TANGO6: variants seen among roughly 807,000 people sequenced by gnomAD.
TANGO6 encodes transport and golgi organization 6 homolog.
A neutral mutation model predicts 114.2 loss-of-function variants in TANGO6; 90 were observed. The observed-to-expected ratio is 0.79, with a 90% CI of 0.66 to 0.94. The LOEUF is 0.94. TANGO6 is among the 40% of genes least tolerant of loss of function. The pLI is 0.00. For missense variants in TANGO6, 1,274 were observed against 1,315.3 expected (o/e 0.97, Z 0.49); for synonymous variants, 477 against 509.8 (o/e 0.94, Z 0.87).
intron 15 of TANGO6, 79 bp downstream of exon 15, chr16:68,974,247 G>A: frequency 1.3e-6 from 2 of 1,554,034 alleles, no homozygotes; most frequent in Non-Finnish European, 1.8e-6. Context: ...TGTACCTGGG[G>A]GCTTGTTACA....
At chr16:68,986,576 C>T (rs1963892621) in intron 15 of TANGO6, among the ~76,000 whole-genome samples, 1 of 152,026 alleles carries the variant, frequency 6.6e-6, no homozygotes, top group Non-Finnish European at 1.5e-5. Context: ...ATGGTTCATG[C>T]AGCTCCAGAA....
chr16:68,953,857 A>G (rs1963498537), intron 14 of TANGO6, among the ~76,000 whole-genome samples: 1 of 152,124 alleles, frequency 6.6e-6, no homozygotes, highest in Non-Finnish European at 1.5e-5. Flanking sequence ...TTCACTAAAC[A>G]TGTTTTAGGG....
intron 7 of TANGO6, among the ~76,000 whole-genome samples, chr16:68,882,357 C>T (rs1006277498): frequency 6.4e-4 from 97 of 151,968 alleles, no homozygotes; most frequent in Admixed American, 2.0e-3. Context: ...ATTAGCCGGG[C>T]GTGGTGGCAG....
intron 3 of TANGO6, 73 bp downstream of exon 3, chr16:68,863,134 A>G (rs2152159029): frequency 1.1e-6 from 1 of 912,722 alleles, no homozygotes. Context: ...CTTCTGGAAA[A>G]TTAAATAACT....
chr16:68,875,188 G>A lies in TANGO6; in HGVS notation c.1029G>A (p.Thr343=), dbSNP rs752108787. ...GAAGGSDAEV[T]AADWKKCDLI... ...CTGGTGGAAGTGATGCTGAGGTGAC[G>A]GCTGCTGACTGGAAGAAGTGTGACC... is the stretch of plus-strand genomic sequence containing the variant. The change falls in exon 5 of 18, where the codon ACG becomes ACA. Residue 343 remains threonine, a synonymous_variant. Coordinates refer to ENST00000261778, the MANE Select transcript of TANGO6 (RefSeq NM_024562.2). 8.1e-6 allele frequency: 13 copies of A among 1,613,204 alleles called. No individual in the cohort carries two copies. Among genetic ancestry groups the A allele is most frequent in the East Asian group, 6.7e-5 (3 of 44,872 alleles).
intron 14 of TANGO6, among the ~76,000 whole-genome samples, chr16:68,962,140 T>C (rs921962182): frequency 1.3e-5 from 2 of 152,228 alleles, no homozygotes; most frequent in African/African-American, 4.8e-5. Flanking sequence ...GAGTTCCCCA[T>C]ACTTCCTTTA....
At chr16:69,063,019 A>G (rs1960147583) in intron 17 of TANGO6, among the ~76,000 whole-genome samples, 1 of 151,660 alleles carries the variant, frequency 6.6e-6, no homozygotes, top group African/African-American at 2.4e-5. Flanking sequence ...TTTGAGGTCA[A>G]GAGTTCGAGA....
chr16:68,927,489 AAT>A, intron 12 of TANGO6, 77 bp from the exon 13 acceptor site: 1 of 1,493,858 alleles, frequency 6.7e-7, no homozygotes, highest in Non-Finnish European at 9.1e-7. Flanking sequence ...TTTTTCTCAG[AAT>A]ATGTTTCCTG....
chr16:68,898,446 C>T (rs940665223), intron 7 of TANGO6, among the ~76,000 whole-genome samples: 1 of 152,160 alleles, frequency 6.6e-6, no homozygotes, highest in African/African-American at 2.4e-5. Flanking sequence ...TACTTCAAAA[C>T]TCTTTCTATA....
intron 3 of TANGO6, 41 bp downstream of exon 3, chr16:68,863,102 A>AG: frequency 2.4e-6 from 3 of 1,229,992 alleles, no homozygotes; most frequent in Non-Finnish European, 3.3e-6. Flanking sequence ...CTCATTAATG[A>AG]TAATGTGTGG....
At chr16:69,063,304 T>G (rs1365609140) in intron 17 of TANGO6, among the ~76,000 whole-genome samples, 4 of 150,398 alleles carry the variant, frequency 2.7e-5, no homozygotes, top group African/African-American at 9.8e-5. Flanking sequence ...GGCGGGCGGA[T>G]CACGAGGTCA....
At chr16:68,925,357 A>G (rs1434437264) in intron 12 of TANGO6, among the ~76,000 whole-genome samples, 2 of 152,170 alleles carry the variant, frequency 1.3e-5, no homozygotes, top group East Asian at 3.8e-4. Flanking sequence ...GACATTGAGT[A>G]TGTCTTCCTA....
chr16:68,961,656 A>G (rs990890201), intron 14 of TANGO6, among the ~76,000 whole-genome samples: 1 of 152,192 alleles, frequency 6.6e-6, no homozygotes, highest in Non-Finnish European at 1.5e-5. Context: ...TTTCCCTCCA[A>G]GATGGGAATT....
chr16:68,963,872 T>C (rs1298615876), intron 14 of TANGO6, among the ~76,000 whole-genome samples: 1 of 152,210 alleles, frequency 6.6e-6, no homozygotes, highest in African/African-American at 2.4e-5. Flanking sequence ...TTACCCAGAC[T>C]TCAGCCTTTG....
chr16:68,913,442 TC>T (rs1288043725), intron 11 of TANGO6, among the ~76,000 whole-genome samples: 1 of 141,738 alleles, frequency 7.1e-6, no homozygotes, highest in Non-Finnish European at 1.5e-5. Context: ...AGAGTCTCAC[TC>T]TGTCGCCCAG....
At chr16:69,054,873 G>A (rs1321039722) in intron 17 of TANGO6, among the ~76,000 whole-genome samples, 4 of 150,344 alleles carry the variant, frequency 2.7e-5, no homozygotes, top group Non-Finnish European at 5.9e-5. Flanking sequence ...CCCGGGAGGC[G>A]GAGCTTGCAG....
intron 14 of TANGO6, among the ~76,000 whole-genome samples, chr16:68,966,770 A>ATTTTT (rs772432410): frequency 7.7e-6 from 1 of 129,092 alleles, no homozygotes; most frequent in Non-Finnish European, 1.6e-5. Flanking sequence ...TGTCTGGCTA[A>ATTTTT]TTTTTTTTTT....
At chr16:68,872,030 G>C (rs1406642499) in intron 4 of TANGO6, among the ~76,000 whole-genome samples, 1 of 151,970 alleles carries the variant, frequency 6.6e-6, no homozygotes, top group Non-Finnish European at 1.5e-5. Context: ...AGGAGTTTGA[G>C]ACCAGCCTGG....
intron 1 of TANGO6, among the ~76,000 whole-genome samples, chr16:68,856,835 C>T (rs758936364): frequency 5.3e-5 from 8 of 152,156 alleles, no homozygotes; most frequent in South Asian, 2.1e-4. Context: ...CTTGGCCAGG[C>T]GCGGTGGCTC....
Sources: allele counts gnomAD v4.1 joint callset (sites outside exome capture counted in the v4.1 genomes callset), GRCh38; gene constraint gnomAD v4.1.1; transcripts MANE v1.5; gene names NCBI Gene and HGNC (gene_info 2026-07-23, HGNC 2026-07-21).